Variants in CORO1C observed in about 807,000 individuals in gnomAD.
CORO1C encodes the protein coronin 1C.
CORO1C carries 14 observed loss-of-function variants against 51.2 expected under a neutral mutation model. That is an observed-to-expected ratio of 0.27 (90% CI 0.18 to 0.43). The LOEUF is 0.43. CORO1C is among the 20% of genes least tolerant of loss of function. The pLI, the probability that CORO1C is intolerant of heterozygous loss-of-function variation, is 1.00. For synonymous variants in CORO1C, 181 were observed against 210.5 expected (o/e 0.86, Z 1.21); for missense variants, 417 against 607.8 (o/e 0.69, Z 3.30).
intron 3 of CORO1C, chr12:108,668,506 T>C (rs918314303): frequency 1.3e-5 from 2 of 152,210 alleles, no homozygotes; most frequent in African/African-American, 4.8e-5. Flanking sequence ...GTCAAATGCC[T>C]TCCCACCCGC....
rs774455620 is a variant in CORO1C, at chr12:108,654,317, A to G, written c.844T>C (p.Leu282=). The G allele has an allele frequency of 6.2e-7, 1 of 1,605,908 alleles. No homozygotes were observed. The highest frequency in any genetic ancestry group is 8.5e-7 in the Non-Finnish European group (1 of 1,172,630). The change falls in exon 7 of 11, where the codon TTA becomes CTA. Residue 282 remains leucine, a synonymous_variant. Transcript: ENST00000261401. ...FYDPDTSIIY[L]CGKGDSSIRY... ...AAATTACTGTTTACCTTTCCACATAAGTAAATGATGCTGGTGTCAGGGTCA... is the reference window on the plus strand; with the variant it reads ...AAATTACTGTTTACCTTTCCACATAGGTAAATGATGCTGGTGTCAGGGTCA...
At position 108,656,419 on chromosome 12, in the gene CORO1C, G is replaced by A. The variant is rs552278365; in HGVS notation, c.750+885C>T. Among the ~76,000 whole-genome samples the A allele has an allele frequency of 4.5e-3, 671 of 150,294 alleles. 2 individuals are homozygous for A. Among genetic ancestry groups the A allele is most frequent in the Admixed American group, 6.5e-3 (99 of 15,184 alleles). On this transcript the variant is annotated intron_variant, in intron 6 of 10. Coordinates refer to ENST00000261401, the MANE Select transcript of CORO1C (RefSeq NM_014325.4). ...CCCCGCCCGGCCAGCAGCCCCATCC[G>A]GGAGGGAGGTGGGGGGTCAGCCTCC...
chr12:108,654,198 A>C, intron 7 of CORO1C, 108 bp downstream of exon 7: 1 of 757,748 alleles, frequency 1.3e-6, no homozygotes, highest in Non-Finnish European at 2.3e-6. Flanking sequence ...TACACACACA[A>C]ATTAGAAAAA....
intron 1 of CORO1C, among the ~76,000 whole-genome samples, chr12:108,722,256 T>A (rs1471882257): frequency 6.6e-6 from 1 of 152,216 alleles, no homozygotes; most frequent in African/African-American, 2.4e-5. Flanking sequence ...CAACCCTGAA[T>A]AACAGCGGTA....
chr12:108,710,877 A>G (rs936155410), intron 1 of CORO1C, among the ~76,000 whole-genome samples: 3 of 152,004 alleles, frequency 2.0e-5, no homozygotes, highest in African/African-American at 7.2e-5. Context: ...TTTTTCTTAC[A>G]TGTTGGGTGA....
rs563625976 is a variant in CORO1C, at chr12:108,694,138, C to T, written c.195+6986G>A. 4.8e-4 allele frequency among the ~76,000 whole-genome samples: 73 copies of T among 152,024 alleles called. 1 individual carries two copies. Among genetic ancestry groups the T allele is most frequent in the Non-Finnish European group, 8.5e-4 (58 of 67,958 alleles). ...CTCTACTAAAAATATAAAAATTAGCCGGGCATGATGGTACACACCCGTAGT... is the reference window on the plus strand; with the variant it reads ...CTCTACTAAAAATATAAAAATTAGCTGGGCATGATGGTACACACCCGTAGT... On this transcript the variant is annotated intron_variant, in intron 2 of 10. Coordinates refer to ENST00000261401, the MANE Select transcript of CORO1C (RefSeq NM_014325.4).
Position 108,731,067 on chromosome 12 carries a change from C to T in CORO1C, c.-6+362G>A, listed in dbSNP as rs1195052011. 1.3e-5 allele frequency: 2 copies of T among 153,392 alleles called. No individual in the cohort carries two copies. Among genetic ancestry groups the T allele is most frequent in the African/African-American group, 2.4e-5 (1 of 41,458 alleles). The allele number at this position is 153,392 out of a possible 1,614,324, so 9.5% of individuals were successfully genotyped here. The stretch of plus-strand genomic sequence containing the variant: ...CCTCGCCCAAGCAGGCGATCCCTGA[C>T]CCCTAAAAGCCTTCCCTGGGCAGCC... On this transcript the variant is annotated intron_variant, in intron 1 of 10. Coordinates refer to ENST00000261401, the MANE Select transcript of CORO1C (RefSeq NM_014325.4). The surrounding 1 kb of genome is among the most constrained non-coding windows in gnomAD (Gnocchi z 5.2).
At chr12:108,689,245 T>G (rs1362520205) in intron 2 of CORO1C, among the ~76,000 whole-genome samples, 1 of 152,160 alleles carries the variant, frequency 6.6e-6, no homozygotes, top group African/African-American at 2.4e-5. Flanking sequence ...CACTGGTTCC[T>G]GCAAGAAAGG....
chr12:108,708,607 G>A (rs568337465), intron 1 of CORO1C, among the ~76,000 whole-genome samples: 37 of 151,904 alleles, frequency 2.4e-4, no homozygotes, highest in Non-Finnish European at 4.0e-4. Context: ...GATTACAGGC[G>A]CCTGCCACCA....
At chr12:108,689,645 G>GC (rs899179608) in intron 2 of CORO1C, among the ~76,000 whole-genome samples, 2 of 152,128 alleles carry the variant, frequency 1.3e-5, no homozygotes, top group African/African-American at 4.8e-5. Flanking sequence ...GGGCCTAAGA[G>GC]CCCCCACCCC....
At chr12:108,724,214 G>A (rs1187770049) in intron 1 of CORO1C, among the ~76,000 whole-genome samples, 3 of 152,154 alleles carry the variant, frequency 2.0e-5, no homozygotes, top group Non-Finnish European at 4.4e-5. Context: ...AGAAAACTCC[G>A]TGAATAGGCT....
intron 8 of CORO1C, chr12:108,649,340 G>A (rs2032534145): frequency 5.2e-6 from 2 of 383,956 alleles, no homozygotes; most frequent in South Asian, 6.0e-5. Context: ...CACTGAAACT[G>A]ACTCACTTAT....
At position 108,647,591 on chromosome 12, in the gene CORO1C, G is replaced by A. The variant is rs764528013; in HGVS notation, c.1306-69C>T. On this transcript the variant is annotated intron_variant, in intron 10 of 10. Coordinates refer to ENST00000261401, the MANE Select transcript of CORO1C (RefSeq NM_014325.4). ...CAAAGTTCAACACTGTTCAAAACTT[G>A]TAAGATATAAAATGTAGTTTTCTAT... The A allele has an allele frequency of 4.4e-6, 5 of 1,147,768 alleles. No homozygotes were observed. The Admixed American group carries it at 6.8e-5, about 16-fold the overall frequency. The allele number at this position is 1,147,768 out of a possible 1,614,324, so 71.1% of individuals were successfully genotyped here.
At chr12:108,677,231 A>T (rs1455561063) in intron 3 of CORO1C, among the ~76,000 whole-genome samples, 1 of 152,208 alleles carries the variant, frequency 6.6e-6, no homozygotes, top group Non-Finnish European at 1.5e-5. Context: ...GTTTATGCCT[A>T]ACCTTTTCAG....
intron 1 of CORO1C, among the ~76,000 whole-genome samples, chr12:108,702,187 C>T (rs1244412849): frequency 6.6e-6 from 1 of 152,190 alleles, no homozygotes; most frequent in African/African-American, 2.4e-5. Context: ...GGCTAGGAAG[C>T]TATTTGACAG....
chr12:108,648,545 G>A, intron 10 of CORO1C, 60 bp downstream of exon 10: 1 of 1,606,298 alleles, frequency 6.2e-7, no homozygotes, highest in Non-Finnish European at 8.5e-7. Flanking sequence ...GGACCACAAG[G>A]GCTTTCTAGA....
At chr12:108,653,927 GT>G (rs2032807449) in intron 7 of CORO1C, among the ~76,000 whole-genome samples, 1 of 152,198 alleles carries the variant, frequency 6.6e-6, no homozygotes, top group Non-Finnish European at 1.5e-5. Context: ...TGGCCAACTG[GT>G]TGCCCATCCC....
Position 108,662,052 on chromosome 12 carries a change from G to A in CORO1C, c.425C>T (p.Ala142Val). Residue 142 changes from alanine to valine, a missense_variant, in exon 4 of 11, where the codon GCC becomes GTC. Physicochemically the swap from Ala to Val is moderately conservative, Grantham distance 64 (BLOSUM62 0). Transcript: ENST00000261401. ...ACCTGCACTAAGAAGCACATTGCGGGCCGTTGGATGCCAAGCCACGATGCC... is the reference window on the plus strand; with the variant it reads ...ACCTGCACTAAGAAGCACATTGCGGACCGTTGGATGCCAAGCCACGATGCC... ...RVGIVAWHPT[A>V]RNVLLSAGCD... 1.2e-6 allele frequency: 2 copies of A among 1,614,138 alleles called. No homozygotes were observed. Among genetic ancestry groups the A allele is most frequent in the African/African-American group, 1.3e-5 (1 of 75,030 alleles).
chr12:108,721,919 G>GA lies in CORO1C; in HGVS notation c.-6+9509dup, dbSNP rs199536498. On this transcript the variant is annotated intron_variant, in intron 1 of 10. Coordinates refer to ENST00000261401, the MANE Select transcript of CORO1C (RefSeq NM_014325.4). The stretch of plus-strand genomic sequence containing the variant: ...AGCTGTGAAGTTCCCAAATGGAAAA[G>GA]AAAAAAAAAAGATCAGAAAGTATTT... Among the ~76,000 whole-genome samples, 16 of 147,758 alleles carry GA rather than the reference G, an allele frequency of 1.1e-4. No homozygotes were observed. In the East Asian group the frequency reaches 1.8e-3, roughly 16 times the overall value.
Sources: allele counts gnomAD v4.1 joint callset (sites outside exome capture counted in the v4.1 genomes callset), GRCh38; gene constraint gnomAD v4.1.1; non-coding constraint Gnocchi (gnomAD v3.1); transcripts MANE v1.5; gene names NCBI Gene and HGNC (gene_info 2026-07-23, HGNC 2026-07-21).